COL23A1: variants seen among roughly 807,000 people sequenced by gnomAD.
COL23A1 encodes collagen type XXIII alpha 1 chain, also known as collagen alpha-1(XXIII) chain.
In COL23A1, 97 loss-of-function variants were observed where a neutral mutation model predicts 99.3. The observed-to-expected ratio is 0.98, with a 90% CI of 0.83 to 1.16. The LOEUF is 1.16. Ranked by LOEUF, COL23A1 falls within the 50% of genes most tolerant of loss-of-function variation. The pLI is 0.00. For missense variants in COL23A1, 762 were observed against 757.4 expected (o/e 1.01, Z -0.07); for synonymous variants, 320 against 308.2 (o/e 1.04, Z -0.40).
chr5:178,468,239 G>C lies in COL23A1; in HGVS notation c.361+92443C>G, dbSNP rs906048731. 4.2e-5 allele frequency among the ~76,000 whole-genome samples: 6 copies of C among 143,622 alleles called. No homozygotes were observed. The highest frequency in any genetic ancestry group is 7.6e-5 in the Non-Finnish European group (5 of 65,720). The allele number at this position is 143,622 out of a possible 152,430, so 94.2% of individuals were successfully genotyped here. A position where few individuals can be genotyped will look rare whatever the true frequency, so the allele number is the denominator to read the frequency against. ...CACCCAGACTCCAGCCAGAAGCCAC[G>C]GCAAGCCGCCAGTGTCGAGCAGAGG... On this transcript the variant is annotated intron_variant, in intron 2 of 28. Coordinates refer to ENST00000390654, the MANE Select transcript of COL23A1 (RefSeq NM_173465.4). The surrounding 1 kb of genome is among the most constrained non-coding windows in gnomAD (Gnocchi z 4.2).
intron 2 of COL23A1, among the ~76,000 whole-genome samples, chr5:178,358,417 A>G (rs111163384): frequency 1.1e-4 from 12 of 111,542 alleles, no homozygotes; most frequent in Admixed American, 3.7e-4. Flanking sequence ...GTGTATGTGT[A>G]TGTGTGTGTA....
intron 2 of COL23A1, among the ~76,000 whole-genome samples, chr5:178,393,239 G>A (rs942658214): frequency 2.6e-5 from 4 of 152,180 alleles, no homozygotes; most frequent in Non-Finnish European, 5.9e-5. Flanking sequence ...GCGACAGCAC[G>A]GATGGACCTT....
At chr5:178,342,053 T>A (rs191831601) in intron 2 of COL23A1, among the ~76,000 whole-genome samples, 1 of 150,614 alleles carries the variant, frequency 6.6e-6, no homozygotes, top group African/African-American at 2.4e-5. Flanking sequence ...GAAAGCTCCA[T>A]GGCAGGGGGA....
chr5:178,377,199 T>C (rs1452838894), intron 2 of COL23A1, among the ~76,000 whole-genome samples: 5 of 152,200 alleles, frequency 3.3e-5, no homozygotes, highest in Non-Finnish European at 7.3e-5. Flanking sequence ...AGAGCTATGA[T>C]TAACGTAATT....
intron 2 of COL23A1, among the ~76,000 whole-genome samples, chr5:178,326,598 C>T (rs986799388): frequency 1.3e-5 from 2 of 152,192 alleles, no homozygotes; most frequent in African/African-American, 2.4e-5. Flanking sequence ...TTTATTTATT[C>T]ACCTGTTATT....
intron 2 of COL23A1, among the ~76,000 whole-genome samples, chr5:178,536,810 G>T (rs1467953046): frequency 6.6e-6 from 1 of 152,220 alleles, no homozygotes; most frequent in East Asian, 1.9e-4. Flanking sequence ...TGAGGGGGTG[G>T]AGGATGCACA....
At chr5:178,464,676 T>A (rs758027156) in intron 2 of COL23A1, among the ~76,000 whole-genome samples, 1 of 152,178 alleles carries the variant, frequency 6.6e-6, no homozygotes, top group Admixed American at 6.5e-5. Context: ...CATTAAACAA[T>A]AGAAAAAGCT....
chr5:178,257,607 G>A (rs369869927), intron 12 of COL23A1, 40 bp from the exon 13 acceptor site: 21 of 1,549,096 alleles, frequency 1.4e-5, no homozygotes, highest in Admixed American at 9.8e-5. Context: ...TCAGACCCTC[G>A]GGTGGCCAGT....
chr5:178,483,795 A>C (rs869403), intron 2 of COL23A1, among the ~76,000 whole-genome samples: 9,979 of 152,312 alleles, frequency 0.066, 410 homozygotes, highest in Middle Eastern at 0.12. Flanking sequence ...GAGCCCGTGC[A>C]GCGGGGTTCC....
chr5:178,340,578 C>T lies in COL23A1; in HGVS notation c.362-33659G>A, dbSNP rs541370375. Among the ~76,000 whole-genome samples the T allele has an allele frequency of 2.3e-4, 35 of 152,250 alleles. No homozygotes were observed. The highest frequency in any genetic ancestry group is 1.2e-3 in the Admixed American group (18 of 15,304). Reference sequence around the variant, plus strand: ...AATCTTGCGGAAATCCAGGGGCTGACGCAGAGGTCAGGAGTGGCCTGAAGT... The same window carrying T: ...AATCTTGCGGAAATCCAGGGGCTGATGCAGAGGTCAGGAGTGGCCTGAAGT... On this transcript the variant is annotated intron_variant, in intron 2 of 28. Transcript: ENST00000390654. The surrounding 1 kb of genome is among the most constrained non-coding windows in gnomAD (Gnocchi z 4.7).
intron 4 of COL23A1, among the ~76,000 whole-genome samples, chr5:178,289,779 C>A (rs890326076): frequency 6.6e-6 from 1 of 152,200 alleles, no homozygotes; most frequent in Non-Finnish European, 1.5e-5. Flanking sequence ...AACAACCAGG[C>A]TTGTGCGCTG....
At position 178,419,427 on chromosome 5, in the gene COL23A1, C is replaced by T. The variant is rs560467452; in HGVS notation, c.362-112508G>A. On this transcript the variant is annotated intron_variant, in intron 2 of 28. Coordinates refer to ENST00000390654, the MANE Select transcript of COL23A1 (RefSeq NM_173465.4). ...AACGACAGTAAACACTGACTGCAAA[C>T]CTGTTCTGTGCCAGGCACTGGGCTC... 1.9e-3 allele frequency among the ~76,000 whole-genome samples: 288 copies of T among 152,338 alleles called. 1 individual carries two copies. The highest frequency in any genetic ancestry group is 6.8e-3 in the Middle Eastern group (2 of 294).
intron 2 of COL23A1, among the ~76,000 whole-genome samples, chr5:178,358,485 A>G (rs991035414): frequency 3.1e-4 from 41 of 133,110 alleles, no homozygotes; most frequent in Admixed American, 1.7e-3. Flanking sequence ...ATGCGTATAT[A>G]TGTGTGTGTA....
intron 3 of COL23A1, among the ~76,000 whole-genome samples, chr5:178,292,120 C>T (rs891797846): frequency 2.6e-5 from 4 of 152,058 alleles, no homozygotes; most frequent in Admixed American, 6.6e-5. Flanking sequence ...ATCTGTACCT[C>T]CCCCGTGCCT....
At chr5:178,545,599 G>C (rs775645431) in intron 2 of COL23A1, among the ~76,000 whole-genome samples, 2 of 152,112 alleles carry the variant, frequency 1.3e-5, no homozygotes, top group Non-Finnish European at 2.9e-5. Context: ...TCGAGTTCAA[G>C]GGCTCTCCTA....
At chr5:178,508,709 G>A (rs533548248) in intron 2 of COL23A1, among the ~76,000 whole-genome samples, 2 of 152,272 alleles carry the variant, frequency 1.3e-5, no homozygotes, top group East Asian at 3.9e-4. Context: ...ATGGAGAAGG[G>A]CTGGTATTTG....
At position 178,413,631 on chromosome 5, in the gene COL23A1, T is replaced by C. The variant is rs139135547; in HGVS notation, c.362-106712A>G. On this transcript the variant is annotated intron_variant, in intron 2 of 28. Coordinates refer to ENST00000390654, the MANE Select transcript of COL23A1 (RefSeq NM_173465.4). ...CTGATCAAGTAATTACAATGAAGAGTGATGACAGTTACAAGAGAGAAGTTC... is the reference window on the plus strand; with the variant it reads ...CTGATCAAGTAATTACAATGAAGAGCGATGACAGTTACAAGAGAGAAGTTC... Among the ~76,000 whole-genome samples, 501 of 152,014 alleles carry C rather than the reference T, an allele frequency of 3.3e-3. 8 individuals carry two copies. Among genetic ancestry groups the C allele is most frequent in the African/African-American group, 0.012 (479 of 41,450 alleles).
At chr5:178,368,905 C>G (rs2127718592) in intron 2 of COL23A1, among the ~76,000 whole-genome samples, 1 of 152,382 alleles carries the variant, frequency 6.6e-6, no homozygotes, top group African/African-American at 2.4e-5. Context: ...TCCCTGCACC[C>G]CGAGGGCTGC....
intron 2 of COL23A1, among the ~76,000 whole-genome samples, chr5:178,382,492 G>C (rs1390725258): frequency 6.6e-6 from 1 of 152,176 alleles, no homozygotes; most frequent in Non-Finnish European, 1.5e-5. Context: ...CAGGGGACAG[G>C]GAGAGACCTG....
Sources: allele counts gnomAD v4.1 joint callset (sites outside exome capture counted in the v4.1 genomes callset), GRCh38; gene constraint gnomAD v4.1.1; non-coding constraint Gnocchi (gnomAD v3.1); transcripts MANE v1.5; gene names NCBI Gene and HGNC (gene_info 2026-07-23, HGNC 2026-07-21).